The following ABCA12 variants were observed in gnomAD, a reference collection of about 807,000 sequenced individuals.
ABCA12 encodes ATP binding cassette subfamily A member 12.
Under a neutral mutation model 293.5 loss-of-function variants are expected in ABCA12, and 156 were observed. The observed-to-expected ratio is 0.53, with a 90% CI of 0.47 to 0.61. ABCA12 has a LOEUF of 0.61. Among genes scored for constraint, ABCA12 ranks in the 20% least tolerant of loss-of-function variants. The pLI, the probability that ABCA12 is intolerant of heterozygous loss-of-function variation, is 0.00. For synonymous variants in ABCA12, 1,063 were observed against 1,108.0 expected (o/e 0.96, Z 0.81); for missense variants, 2,797 against 3,090.2 (o/e 0.91, Z 2.25).
intron 2 of ABCA12, among the ~76,000 whole-genome samples, chr2:215,072,688 T>C (rs1440765256): frequency 1.3e-5 from 2 of 152,210 alleles, no homozygotes; most frequent in Admixed American, 6.5e-5. Context: ...GGCTGGGAGA[T>C]ATAACAGTAA....
intron 19 of ABCA12, among the ~76,000 whole-genome samples, chr2:215,005,903 C>A (rs1371828500): frequency 6.6e-6 from 1 of 152,166 alleles, no homozygotes; most frequent in African/African-American, 2.4e-5. Context: ...TCTGTCATTA[C>A]CAATATACTA....
intron 17 of ABCA12, 61 bp from the exon 18 acceptor site, chr2:215,010,531 G>A: frequency 6.4e-7 from 1 of 1,555,568 alleles, no homozygotes. Context: ...ATTTCCACAT[G>A]GCAAATTGAC....
chr2:215,028,532 G>A (rs1417145335), intron 9 of ABCA12, among the ~76,000 whole-genome samples: 3 of 152,178 alleles, frequency 2.0e-5, no homozygotes, highest in Non-Finnish European at 4.4e-5. Flanking sequence ...ATTTTAGACA[G>A]TGAGCTTCAT....
intron 14 of ABCA12, among the ~76,000 whole-genome samples, chr2:215,017,131 A>T (rs998159316): frequency 5.6e-4 from 85 of 152,334 alleles, no homozygotes; most frequent in African/African-American, 1.9e-3. Flanking sequence ...GACAAGAGAT[A>T]GCTGCAATAT....
chr2:215,059,285 C>G (rs759764109), intron 3 of ABCA12, among the ~76,000 whole-genome samples: 1 of 152,068 alleles, frequency 6.6e-6, no homozygotes, highest in Admixed American at 6.6e-5. Flanking sequence ...ACTAAGGACA[C>G]TGTAATGGTC....
intron 2 of ABCA12, among the ~76,000 whole-genome samples, chr2:215,083,520 T>A (rs905824028): frequency 3.9e-5 from 6 of 151,908 alleles, no homozygotes; most frequent in Admixed American, 6.6e-5. Context: ...TACGTCAAAG[T>A]CTCTATACAC....
At position 214,951,194 on chromosome 2, in the gene ABCA12, A is replaced by C. The variant is rs1354950940; in HGVS notation, c.6648-111T>G. 7.5e-6 allele frequency: 7 copies of C among 939,468 alleles called. No homozygotes were observed. In the African/African-American group the frequency reaches 8.3e-5, roughly 11 times the overall value. 58.2% of individuals were successfully genotyped at this position (939,468 alleles called of 1,614,324 possible). A position where few individuals can be genotyped will look rare whatever the true frequency, so the allele number is the denominator to read the frequency against. ...CTAACAGTGTACTAGTCATCATTAG[A>C]CTTCTTTTACATTTGTAATGAATTA... On this transcript the variant is annotated intron_variant, in intron 44 of 52. Transcript: ENST00000272895.
chr2:215,010,249 T>G, intron 18 of ABCA12, 82 bp downstream of exon 18: 1 of 1,508,154 alleles, frequency 6.6e-7, no homozygotes, highest in Non-Finnish European at 9.2e-7. Flanking sequence ...AAGAAATCAG[T>G]CAGCTAAAGT....
chr2:214,942,559 C>A (rs891235375), intron 50 of ABCA12, among the ~76,000 whole-genome samples: 7 of 152,046 alleles, frequency 4.6e-5, no homozygotes, highest in Non-Finnish European at 1.0e-4. Flanking sequence ...ACAATCTATG[C>A]CTTCATTTAC....
At chr2:215,084,769 C>T (rs1197506854) in intron 2 of ABCA12, among the ~76,000 whole-genome samples, 1 of 152,082 alleles carries the variant, frequency 6.6e-6, no homozygotes, top group African/African-American at 2.4e-5. Flanking sequence ...ATACACCTGT[C>T]ACAATATGAT....
At chr2:214,970,436 C>T (rs750769926) in intron 36 of ABCA12, 36 bp from the exon 37 acceptor site, 1 of 1,611,096 alleles carries the variant, frequency 6.2e-7, no homozygotes, top group Non-Finnish European at 8.5e-7. Flanking sequence ...TTTTTTCTGG[C>T]CAATGCTGTG....
intron 2 of ABCA12, among the ~76,000 whole-genome samples, chr2:215,084,844 A>G (rs945071377): frequency 1.3e-5 from 2 of 152,190 alleles, no homozygotes; most frequent in African/African-American, 4.8e-5. Flanking sequence ...CAGTAATCCC[A>G]GCACTTTTGG....
chr2:215,000,754 T>A lies in ABCA12; in HGVS notation c.3130A>T (p.Ile1044Leu). 1 of 1,614,134 alleles carries A rather than the reference T, an allele frequency of 6.2e-7. No homozygotes were observed. Among genetic ancestry groups the A allele is most frequent in the Non-Finnish European group, 8.5e-7 (1 of 1,179,972 alleles). ...ELQTGRNSQE[I>L]AVQVQAIPYP... Reference sequence around the variant, plus strand: ...GGAATTGCTTGAACCTGGACTGCTATTTCCTGGGAGTTCCTTCCAGTTTGC... The same window carrying A: ...GGAATTGCTTGAACCTGGACTGCTAATTCCTGGGAGTTCCTTCCAGTTTGC... Residue 1044 changes from isoleucine to leucine, a missense_variant, in exon 22 of 53, where the codon ATA (isoleucine) becomes TTA (leucine). This residue lies in a region of ABCA12 where 2,130 missense variants were observed against 2,427.0 expected (regional missense o/e 0.88). Transcript: ENST00000272895.
At position 215,011,506 on chromosome 2, in the gene ABCA12, C is replaced by T; in HGVS notation, c.2265G>A (p.Lys755=). The change falls in exon 17 of 53, where the codon AAG becomes AAA. Residue 755 remains lysine, a synonymous_variant. Coordinates refer to ENST00000272895, the MANE Select transcript of ABCA12 (RefSeq NM_173076.3). ...SSQRPKGNHT[K]DFLTYKLTKE... ...TAGTTAATTTATAAGTCAAAAAATC[C>T]TTGGTGTGGTTGCCTTTTGGCCTCT... The T allele has an allele frequency of 6.2e-7, 1 of 1,613,764 alleles. No homozygotes were observed. The highest frequency in any genetic ancestry group is 8.5e-7 in the Non-Finnish European group (1 of 1,179,858).
intron 42 of ABCA12, 127 bp from the exon 43 acceptor site, chr2:214,955,488 C>T: frequency 1.1e-6 from 1 of 901,600 alleles, no homozygotes; most frequent in Non-Finnish European, 1.7e-6. Context: ...TTGAGACCAG[C>T]CTGAGCAACT....
At chr2:215,024,926 G>C (rs1043630120) in intron 11 of ABCA12, among the ~76,000 whole-genome samples, 2 of 152,018 alleles carry the variant, frequency 1.3e-5, no homozygotes, top group African/African-American at 4.8e-5. Flanking sequence ...CCCACATACA[G>C]TTATATATTT....
chr2:215,055,394 G>A (rs1701400780), intron 3 of ABCA12, among the ~76,000 whole-genome samples: 3 of 151,934 alleles, frequency 2.0e-5, no homozygotes, highest in Non-Finnish European at 1.5e-5. Flanking sequence ...TTTTTGTTTA[G>A]TTTGTTATTA....
At chr2:215,073,084 G>GAGTCTGCCTCC (rs1701767786) in intron 2 of ABCA12, among the ~76,000 whole-genome samples, 1 of 152,126 alleles carries the variant, frequency 6.6e-6, no homozygotes, top group Non-Finnish European at 1.5e-5. Flanking sequence ...GACAGAGCAA[G>GAGTCTGCCTCC]AGTCTGCCTC....
rs756914399 is a variant in ABCA12 at position 214,985,096 on chromosome 2, T to A, written c.4164-1231A>T. Among the ~76,000 whole-genome samples the A allele has an allele frequency of 2.0e-5, 3 of 152,350 alleles. No homozygotes were observed. In the East Asian group the frequency reaches 5.8e-4, roughly 29 times the overall value. ...GGATTAAATTATGAACAAAGGAATA[T>A]GCAGTTTTCCCATATGAACACTGAA... is the stretch of plus-strand genomic sequence containing the variant. On this transcript the variant is annotated intron_variant, in intron 28 of 52. Coordinates refer to ENST00000272895, the MANE Select transcript of ABCA12 (RefSeq NM_173076.3).
Sources: allele counts gnomAD v4.1 joint callset (sites outside exome capture counted in the v4.1 genomes callset), GRCh38; gene constraint gnomAD v4.1.1; regional missense constraint gnomAD v4.1.1; transcripts MANE v1.5; gene names NCBI Gene and HGNC (gene_info 2026-07-23, HGNC 2026-07-21).